Variants in BRF1 observed in about 807,000 individuals in gnomAD.
BRF1 encodes the protein BRF1 general transcription factor IIIB subunit, also known as transcription factor IIIB 90 kDa subunit.
Under a neutral mutation model 81.7 loss-of-function variants are expected in BRF1, and 59 were observed. The observed-to-expected ratio is 0.72, with a 90% CI of 0.59 to 0.90. The LOEUF (loss-of-function observed/expected upper bound fraction) is 0.90. Ranked by LOEUF, BRF1 falls within the 40% of genes least tolerant of loss-of-function variation. BRF1 has a pLI of 0.00. For synonymous variants in BRF1, 491 were observed against 395.6 expected (o/e 1.24, Z -2.86); for missense variants, 1,050 against 936.3 (o/e 1.12, Z -1.58).
chr14:105,286,681 C>T (rs1213925642), intron 1 of BRF1, among the ~76,000 whole-genome samples: 1 of 152,210 alleles, frequency 6.6e-6, no homozygotes, highest in Non-Finnish European at 1.5e-5. Context: ...TCTCCACTCA[C>T]TGCAAGCTCC....
In BRF1 at chr14:105,219,206, G is replaced by T; in HGVS notation, c.1404C>A (p.Arg468=). 6.2e-7 allele frequency: 1 copy of T among 1,612,654 alleles called. No individual in the cohort carries two copies. Among genetic ancestry groups the T allele is most frequent in the Non-Finnish European group, 8.5e-7 (1 of 1,179,064 alleles). ...DRYILNESEA[R]VKAELWMREN... ...CCCTCATCCACAGCTCGGCCTTCAC[G>T]CGGGCTTCCGACTCATTCAGGATGT... The change falls in exon 13 of 18, where the codon CGC becomes CGA. Residue 468 remains arginine, a synonymous_variant. Coordinates refer to ENST00000547530, the MANE Select transcript of BRF1 (RefSeq NM_001519.4).
At position 105,287,069 on chromosome 14, in the gene BRF1, C is replaced by T. The variant is rs760145239; in HGVS notation, c.185-693G>A. Among the ~76,000 whole-genome samples, 8 of 152,370 alleles carry T rather than the reference C, an allele frequency of 5.3e-5. No homozygotes were observed. The South Asian group carries it at 6.2e-4, about 12-fold the overall frequency. On this transcript the variant is annotated intron_variant, in intron 1 of 17. Transcript: ENST00000547530. ...CCAGCCAGTCTGCAGAAGGCCCCCACGCCTCAGTCCACCCACCCATGGGGA... is the reference window on the plus strand; with the variant it reads ...CCAGCCAGTCTGCAGAAGGCCCCCATGCCTCAGTCCACCCACCCATGGGGA...
intron 6 of BRF1, among the ~76,000 whole-genome samples, chr14:105,229,297 G>C (rs1056232714): frequency 6.6e-6 from 1 of 152,214 alleles, no homozygotes. Flanking sequence ...GCCACAGCTG[G>C]CAGCTGACAC....
At position 105,217,935 on chromosome 14, in the gene BRF1, T is replaced by TC. The variant is rs889643056; in HGVS notation, c.1516-136dup. 189 of 1,377,682 alleles carry TC rather than the reference T, an allele frequency of 1.4e-4. 1 individual carries two copies. The highest frequency in any genetic ancestry group is 9.2e-4 in the Admixed American group (40 of 43,578). 85.3% of individuals were successfully genotyped at this position (1,377,682 alleles called of 1,614,324 possible). A position where few individuals can be genotyped will look rare whatever the true frequency, so the allele number is the denominator to read the frequency against. ...CCTCAGAAGGGCCGCTCCTGCCTCC[T>TC]CCCCCCAGAATGTGGGCCAGCCTGG... On this transcript the variant is annotated intron_variant, in intron 14 of 17. Transcript: ENST00000547530.
In BRF1 at chr14:105,284,954, C is replaced by A. The variant is rs187135756; in HGVS notation, c.265+1342G>T. 2.6e-5 allele frequency among the ~76,000 whole-genome samples: 4 copies of A among 152,150 alleles called. No individual in the cohort carries two copies. The highest frequency in any genetic ancestry group is 2.1e-4 in the South Asian group (1 of 4,824). On this transcript the variant is annotated intron_variant, in intron 2 of 17. Transcript: ENST00000547530. This position sits in a 1 kb window ranked among gnomAD's most constrained non-coding sequence, Gnocchi z 4.0. The stretch of plus-strand genomic sequence containing the variant: ...AATACATATCAACTGAGACTAAATT[C>A]GACAAAAGAAGTACAAAACTTATAC...
chr14:105,219,133 T>TGGGC lies in BRF1; in HGVS notation c.1459+14_1459+17dup, dbSNP rs756727725. Reference sequence around the variant, plus strand: ...GGACTGTGCGTCCTGCGTGTGAGTGTGGGCGGGTGGCGCTTACCCCTCTGT... The same window carrying TGGGC: ...GGACTGTGCGTCCTGCGTGTGAGTGTGGGCGGGCGGGTGGCGCTTACCCCTCTGT... On this transcript the variant is annotated intron_variant, in intron 13 of 17. Transcript: ENST00000547530. 1.2e-5 allele frequency: 20 copies of TGGGC among 1,612,642 alleles called. No homozygotes were observed. The South Asian group carries it at 2.0e-4, about 16-fold the overall frequency.
At chr14:105,297,762 T>C (rs7152283) in intron 1 of BRF1, among the ~76,000 whole-genome samples, 51,972 of 151,820 alleles carry the variant, frequency 0.34, 9,485 homozygotes, top group African/African-American at 0.46. Flanking sequence ...TTTGGGAGGC[T>C]GAGGCAGGTG....
intron 2 of BRF1, 74 bp downstream of exon 2, chr14:105,286,222 C>A: frequency 1.4e-6 from 2 of 1,470,672 alleles, no homozygotes; most frequent in Non-Finnish European, 1.9e-6. Context: ...TGAGTCAGTG[C>A]CCTCCACCCT....
In BRF1 at chr14:105,248,483, C is replaced by CT. The variant is rs1452789511; in HGVS notation, c.544+4023dup. 2.2e-4 allele frequency: 211 copies of CT among 978,150 alleles called. 1 individual carries two copies. Among genetic ancestry groups the CT allele is most frequent in the Middle Eastern group, 5.3e-4 (1 of 1,882 alleles). The allele number at this position is 978,150 out of a possible 1,614,324, so 60.6% of individuals were successfully genotyped here. A position where few individuals can be genotyped will look rare whatever the true frequency, so the allele number is the denominator to read the frequency against. Reference sequence around the variant, plus strand: ...TCGAGCAGCTTCGAGGATGTCGGGCCTGGGGGCGGGGCCGCGAGGCAGCGA... The same window carrying CT: ...TCGAGCAGCTTCGAGGATGTCGGGCCTTGGGGGCGGGGCCGCGAGGCAGCGA... On this transcript the variant is annotated intron_variant, in intron 5 of 17. Coordinates refer to ENST00000547530, the MANE Select transcript of BRF1 (RefSeq NM_001519.4).
At chr14:105,261,834 G>C (rs587743996) in intron 3 of BRF1, among the ~76,000 whole-genome samples, 3 of 152,350 alleles carry the variant, frequency 2.0e-5, no homozygotes, top group Admixed American at 6.5e-5. Context: ...CCCACACGGC[G>C]TGAGGACCAA....
Position 105,209,494 on chromosome 14 carries a change from C to T in BRF1, c.*1057G>A. 2.9e-6 allele frequency: 2 copies of T among 701,702 alleles called. No individual in the cohort carries two copies. Among genetic ancestry groups the T allele is most frequent in the Non-Finnish European group, 5.2e-6 (2 of 384,510 alleles). The allele number at this position is 701,702 out of a possible 1,614,324, so 43.5% of individuals were successfully genotyped here. The stretch of plus-strand genomic sequence containing the variant: ...TGGGGGTCAGTGAGGCACGGCTCTG[C>T]CTCAAGGCCACCCCCTCCTAAGGAC... On this transcript the variant is annotated 3_prime_UTR_variant, in exon 18 of 18. Transcript: ENST00000547530.
intron 6 of BRF1, 48 bp downstream of exon 6, chr14:105,241,217 G>A (rs202005936): frequency 2.5e-6 from 4 of 1,598,866 alleles, no homozygotes; most frequent in East Asian, 2.2e-5. Context: ...GAAAGTGTGA[G>A]GCCAGGACCC....
Position 105,276,025 on chromosome 14 carries a change from G to C in BRF1, c.266-3131C>G, listed in dbSNP as rs1407656476. Among the ~76,000 whole-genome samples, 59 of 87,380 alleles carry C rather than the reference G, an allele frequency of 6.8e-4. 1 individual carries two copies. The highest frequency in any genetic ancestry group is 2.0e-3 in the South Asian group (4 of 2,016). 57.3% of individuals were successfully genotyped at this position (87,380 alleles called of 152,430 possible). A position where few individuals can be genotyped will look rare whatever the true frequency, so the allele number is the denominator to read the frequency against. ...GAGGAGGCCACAGTGAGAAGGAGCT[G>C]AGAGGCGGCCCTCACTAGAGAGCTG... On this transcript the variant is annotated intron_variant, in intron 2 of 17. Transcript: ENST00000547530.
intron 1 of BRF1, among the ~76,000 whole-genome samples, chr14:105,287,919 G>A (rs1231180689): frequency 3.3e-5 from 5 of 152,250 alleles, no homozygotes; most frequent in Non-Finnish European, 7.3e-5. Context: ...CCTGGTGGCA[G>A]CAGAGGCAAA....
intron 5 of BRF1, among the ~76,000 whole-genome samples, chr14:105,246,182 C>T (rs1226156346): frequency 1.3e-5 from 2 of 151,814 alleles, no homozygotes; most frequent in East Asian, 1.9e-4. Flanking sequence ...CCCTCACCAC[C>T]GCACTCCAGC....
At chr14:105,274,630 G>A (rs1309147246) in intron 2 of BRF1, among the ~76,000 whole-genome samples, 1 of 152,258 alleles carries the variant, frequency 6.6e-6, no homozygotes, top group Non-Finnish European at 1.5e-5. Context: ...CATCAGGAGG[G>A]AAATGGCAAA....
intron 1 of BRF1, among the ~76,000 whole-genome samples, chr14:105,299,483 G>A (rs2057892037): frequency 6.6e-6 from 1 of 152,130 alleles, no homozygotes; most frequent in Non-Finnish European, 1.5e-5. Context: ...GTTGAGGCAG[G>A]AGAATTGCCT....
Position 105,211,251 on chromosome 14 carries a change from T to C in BRF1, c.1867A>G (p.Arg623Gly), listed in dbSNP as rs750188424. The C allele has an allele frequency of 2.5e-6, 4 of 1,608,634 alleles. No individual in the cohort carries two copies. Among genetic ancestry groups the C allele is most frequent in the Non-Finnish European group, 3.4e-6 (4 of 1,177,944 alleles). ...SSPTLGAEPA[R>G]PQAVLVESGP... ...CTCTCCACCAGCACCGCCTGGGGCC[T>C]GGCAGGCTCAGCTCCGAGGGTGGGA... The change falls in exon 17 of 18, where the codon AGG (arginine) becomes GGG (glycine). Residue 623 changes from arginine to glycine, a missense_variant. Around this residue, in one of 2 missense-constraint regions of BRF1, gnomAD observed 1,043 missense variants for 915.4 expected, o/e 1.14. Transcript: ENST00000547530.
At chr14:105,241,528 C>T (rs1172042831) in intron 5 of BRF1, 114 bp from the exon 6 acceptor site, 9 of 1,362,408 alleles carry the variant, frequency 6.6e-6, no homozygotes, top group Admixed American at 4.0e-5. Flanking sequence ...GGCCCCCAGG[C>T]CCCCCACCAG....
Sources: allele counts gnomAD v4.1 joint callset (sites outside exome capture counted in the v4.1 genomes callset), GRCh38; gene constraint gnomAD v4.1.1; regional missense constraint gnomAD v4.1.1; non-coding constraint Gnocchi (gnomAD v3.1); transcripts MANE v1.5; gene names NCBI Gene and HGNC (gene_info 2026-07-23, HGNC 2026-07-21).